BDH1: variants seen among roughly 807,000 people sequenced by gnomAD.
BDH1 encodes the protein 3-hydroxybutyrate dehydrogenase 1.
A neutral mutation model predicts 33.1 loss-of-function variants in BDH1; 30 were observed. That is an observed-to-expected ratio of 0.91 (90% CI 0.68 to 1.23). The LOEUF (loss-of-function observed/expected upper bound fraction) is 1.23. BDH1 is among the 50% of genes most tolerant of loss of function. The probability of loss-of-function intolerance (pLI) is 0.00; values close to 1 mark genes in which losing one functional copy is unlikely to be tolerated. For synonymous variants in BDH1, 190 were observed against 183.6 expected (o/e 1.03, Z -0.28); for missense variants, 443 against 464.4 (o/e 0.95, Z 0.42).
intron 7 of BDH1, among the ~76,000 whole-genome samples, chr3:197,513,313 G>A (rs1042457249): frequency 1.3e-5 from 2 of 151,938 alleles, no homozygotes; most frequent in African/African-American, 4.8e-5. Flanking sequence ...CCATCCAGGT[G>A]TGTCCCGGGG....
At chr3:197,539,403 G>C (rs1579957540) in intron 3 of BDH1, among the ~76,000 whole-genome samples, 2 of 152,178 alleles carry the variant, frequency 1.3e-5, no homozygotes, top group East Asian at 3.9e-4. Context: ...GCCTCCCAAA[G>C]TGCTGGGATT....
At chr3:197,570,891 C>A (rs1717584547) in intron 1 of BDH1, among the ~76,000 whole-genome samples, 1 of 152,228 alleles carries the variant, frequency 6.6e-6, no homozygotes, top group Non-Finnish European at 1.5e-5. Flanking sequence ...CCTCCAGCCC[C>A]CAGAATGGTA....
chr3:197,554,547 AAG>A lies in BDH1; in HGVS notation c.-44+13_-44+14del, dbSNP rs1560341580. The A allele has an allele frequency of 6.6e-6, 1 of 152,192 alleles. No individual in the cohort carries two copies. 9.4% of individuals were successfully genotyped at this position (152,192 alleles called of 1,614,324 possible). A position where few individuals can be genotyped will look rare whatever the true frequency, so the allele number is the denominator to read the frequency against. On this transcript the variant is annotated intron_variant, in intron 2 of 7. Transcript: ENST00000392379. This position sits in a 1 kb window ranked among gnomAD's most constrained non-coding sequence, Gnocchi z 4.4. ...GCCCGGCTCCAACGCCTCTTGTAGA[AAG>A]AAGGACACTGACCAGGACATTTGCA...
At position 197,511,934 on chromosome 3, in the gene BDH1, G is replaced by A. The variant is rs1444453738; in HGVS notation, c.993C>T (p.His331=). ...TCATGTCGGAGATGGCTCCAGGCAAGTGGGTCATGATCTGCATTCGCAGCC... is the reference window on the plus strand; with the variant it reads ...TCATGTCGGAGATGGCTCCAGGCAAATGGGTCATGATCTGCATTCGCAGCC... The part of the protein sequence containing the change: ...YWWLRMQIMT[H]LPGAISDMIY... Residue 331 remains histidine, a synonymous_variant, in exon 8 of 8, where the codon CAC becomes CAT. Coordinates refer to ENST00000392379, the MANE Select transcript of BDH1 (RefSeq NM_203314.3). The A allele has an allele frequency of 6.3e-7, 1 of 1,579,500 alleles. No individual in the cohort carries two copies. The highest frequency in any genetic ancestry group is 1.7e-5 in the Admixed American group (1 of 58,298).
At position 197,554,732 on chromosome 3, in the gene BDH1, A is replaced by C. The variant is rs1391289774; in HGVS notation, c.-195-19T>G. The C allele has an allele frequency of 2.0e-5, 3 of 151,996 alleles. No homozygotes were observed. Among genetic ancestry groups the C allele is most frequent in the Non-Finnish European group, 2.9e-5 (2 of 67,976 alleles). The allele number at this position is 151,996 out of a possible 1,614,324, so 9.4% of individuals were successfully genotyped here. A position where few individuals can be genotyped will look rare whatever the true frequency, so the allele number is the denominator to read the frequency against. Reference sequence around the variant, plus strand: ...TGACTGGCTGGAAAAGAAAAAAAAAAAACGCGGAGTTCGACGCCGCGCGCA... The same window carrying C: ...TGACTGGCTGGAAAAGAAAAAAAAACAACGCGGAGTTCGACGCCGCGCGCA... On this transcript the variant is annotated intron_variant, in intron 1 of 7. Transcript: ENST00000392379. This position sits in a 1 kb window ranked among gnomAD's most constrained non-coding sequence, Gnocchi z 4.4.
upstream of BDH1, among the ~76,000 whole-genome samples, chr3:197,559,122 C>T (rs1030436124): frequency 1.3e-5 from 2 of 151,748 alleles, no homozygotes; most frequent in East Asian, 1.9e-4. Flanking sequence ...CCTGCCTTAG[C>T]CTCCCAAGTA....
intron 2 of BDH1, among the ~76,000 whole-genome samples, chr3:197,547,994 A>C (rs1716227708): frequency 6.6e-6 from 1 of 152,182 alleles, no homozygotes; most frequent in Non-Finnish European, 1.5e-5. Context: ...CTTCTACTAG[A>C]TCCTAAGCTC....
chr3:197,545,760 TGA>T (rs1329089144), intron 3 of BDH1, among the ~76,000 whole-genome samples: 1 of 152,276 alleles, frequency 6.6e-6, no homozygotes, highest in Non-Finnish European at 1.5e-5. Context: ...GGAAGTTAGC[TGA>T]AGGGGATCCA....
In BDH1 at chr3:197,555,959, AC is replaced by A. The variant is rs1717000407; in HGVS notation, c.-375del. Reference sequence around the variant, plus strand: ...GCGGCCTGCGGCCTCCGCCACCCGGACGCTTCTACACGCGAAGCGCGCGCTG... The same window carrying A: ...GCGGCCTGCGGCCTCCGCCACCCGGAGCTTCTACACGCGAAGCGCGCGCTG... On this transcript the variant is annotated 5_prime_UTR_variant, in exon 1 of 8. Coordinates refer to ENST00000392379, the MANE Select transcript of BDH1 (RefSeq NM_203314.3). The A allele has an allele frequency of 6.6e-6, 1 of 152,178 alleles. No homozygotes were observed. Among genetic ancestry groups the A allele is most frequent in the African/African-American group, 2.4e-5 (1 of 41,448 alleles). The allele number at this position is 152,178 out of a possible 1,614,324, so 9.4% of individuals were successfully genotyped here.
At position 197,521,343 on chromosome 3, in the gene BDH1, G is replaced by A. The variant is rs999629183; in HGVS notation, c.409+1297C>T. On this transcript the variant is annotated intron_variant, in intron 6 of 7. Coordinates refer to ENST00000392379, the MANE Select transcript of BDH1 (RefSeq NM_203314.3). The surrounding 1 kb of genome is among the most constrained non-coding windows in gnomAD (Gnocchi z 4.9). ...GTTGCAGACAGAGCTCCTCCCACAAGGCCCTCCACTGGCTGAACTGGAAGG... is the reference window on the plus strand; with the variant it reads ...GTTGCAGACAGAGCTCCTCCCACAAAGCCCTCCACTGGCTGAACTGGAAGG... Among the ~76,000 whole-genome samples the A allele has an allele frequency of 1.3e-5, 2 of 152,130 alleles. No homozygotes were observed. Among genetic ancestry groups the A allele is most frequent in the African/African-American group, 2.4e-5 (1 of 41,416 alleles).
chr3:197,545,556 G>T (rs1034921286), intron 3 of BDH1, among the ~76,000 whole-genome samples: 1 of 152,208 alleles, frequency 6.6e-6, no homozygotes, highest in Admixed American at 6.5e-5. Context: ...GTCCCCGGCA[G>T]GAAGAAACTA....
intron 1 of BDH1, among the ~76,000 whole-genome samples, chr3:197,561,212 A>G (rs1439640282): frequency 6.6e-6 from 1 of 152,188 alleles, no homozygotes; most frequent in African/African-American, 2.4e-5. Context: ...CCTTGGTAGC[A>G]GCATGAGCTA....
chr3:197,546,327 C>T, intron 3 of BDH1, 34 bp downstream of exon 3: 2 of 1,607,608 alleles, frequency 1.2e-6, no homozygotes, highest in East Asian at 2.2e-5. Context: ...CAGAAAGTGT[C>T]CCCTCAAGGC....
In BDH1 at chr3:197,520,019, T is replaced by C. The variant is rs1713358128; in HGVS notation, c.409+2621A>G. ...GAAGGGGAAGAGGACCCTTCTGACATGTCCTGCATGGGGTGTGGGTCGGTG... is the reference window on the plus strand; with the variant it reads ...GAAGGGGAAGAGGACCCTTCTGACACGTCCTGCATGGGGTGTGGGTCGGTG... On this transcript the variant is annotated intron_variant, in intron 6 of 7. Transcript: ENST00000392379. The surrounding 1 kb of genome is among the most constrained non-coding windows in gnomAD (Gnocchi z 6.0). Among the ~76,000 whole-genome samples the C allele has an allele frequency of 6.6e-6, 1 of 152,002 alleles. No homozygotes were observed. Among genetic ancestry groups the C allele is most frequent in the African/African-American group, 2.4e-5 (1 of 41,388 alleles).
At chr3:197,565,329 AAATG>A (rs1717399863) in intron 1 of BDH1, among the ~76,000 whole-genome samples, 1 of 152,224 alleles carries the variant, frequency 6.6e-6, no homozygotes, top group African/African-American at 2.4e-5. Flanking sequence ...CACTTTGGTC[AAATG>A]AATGACTTAT....
chr3:197,547,400 C>T (rs1579982560), intron 2 of BDH1, among the ~76,000 whole-genome samples: 1 of 152,368 alleles, frequency 6.6e-6, no homozygotes, highest in South Asian at 2.1e-4. Context: ...CCTCCCCTGC[C>T]TGTTTGCTGC....
At chr3:197,563,618 GTTATA>G (rs771032069) in intron 1 of BDH1, among the ~76,000 whole-genome samples, 3 of 151,996 alleles carry the variant, frequency 2.0e-5, no homozygotes, top group Admixed American at 6.6e-5. Context: ...AGAATCTAAA[GTTATA>G]TTAAATTAAG....
At position 197,516,280 on chromosome 3, in the gene BDH1, G is replaced by C. The variant is rs1441764475; in HGVS notation, c.410-1864C>G. On this transcript the variant is annotated intron_variant, in intron 6 of 7. Transcript: ENST00000392379. This position sits in a 1 kb window ranked among gnomAD's most constrained non-coding sequence, Gnocchi z 4.2. ...TTTGTGAATTTTGCAGCCGTTTTGTGTTTGATTCATAACGGACAATATCCC... is the reference window on the plus strand; with the variant it reads ...TTTGTGAATTTTGCAGCCGTTTTGTCTTTGATTCATAACGGACAATATCCC... 6.6e-6 allele frequency among the ~76,000 whole-genome samples: 1 copy of C among 152,134 alleles called. No individual in the cohort carries two copies. The highest frequency in any genetic ancestry group is 1.5e-5 in the Non-Finnish European group (1 of 68,026).
chr3:197,568,591 T>C (rs1717508605), intron 1 of BDH1, among the ~76,000 whole-genome samples: 1 of 152,132 alleles, frequency 6.6e-6, no homozygotes, highest in South Asian at 2.1e-4. Flanking sequence ...ATGGAGAGTA[T>C]CAGGCATCCC....
Sources: allele counts gnomAD v4.1 joint callset (sites outside exome capture counted in the v4.1 genomes callset), GRCh38; gene constraint gnomAD v4.1.1; non-coding constraint Gnocchi (gnomAD v3.1); transcripts MANE v1.5; gene names NCBI Gene and HGNC (gene_info 2026-07-23, HGNC 2026-07-21).